The following KCNQ5 variants were observed in gnomAD, a reference collection of about 807,000 sequenced individuals.
The protein encoded by KCNQ5 is potassium voltage-gated channel subfamily KQT member 5.
A neutral mutation model predicts 98.2 loss-of-function variants in KCNQ5; 30 were observed. That is an observed-to-expected ratio of 0.31 (90% confidence interval 0.23 to 0.41). The LOEUF (loss-of-function observed/expected upper bound fraction) is 0.41. KCNQ5 is among the 10% of genes least tolerant of loss of function. The pLI, the probability that KCNQ5 is intolerant of heterozygous loss-of-function variation, is 1.00. For synonymous variants in KCNQ5, 458 were observed against 449.4 expected, an observed-to-expected ratio of 1.02 and a Z score of -0.24; for missense variants, 835 against 1,182.5, an observed-to-expected ratio of 0.71 and a Z score of 4.31.
chr6:72,759,828 C>T (rs1772165405), intron 1 of KCNQ5, among the ~76,000 whole-genome samples: 2 of 152,086 alleles, frequency 1.3e-5, no homozygotes, highest in South Asian at 4.2e-4. Flanking sequence ...GTGCAAATAT[C>T]AGTAAAGGGA....
rs201180359 is a variant in KCNQ5, at chr6:72,696,291, AT to A, written c.398+73706del. 3.2e-3 allele frequency among the ~76,000 whole-genome samples: 486 copies of A among 152,340 alleles called. 4 individuals carry two copies. Among genetic ancestry groups the A allele is most frequent in the African/African-American group, 0.011 (470 of 41,576 alleles). On this transcript the variant is annotated intron_variant, in intron 1 of 13. Coordinates refer to ENST00000370398, the MANE Select transcript of KCNQ5 (RefSeq NM_019842.4). ...TGAAAATAGCATTTTAATAAAATGA[AT>A]TATGGTAATCAGAAAAATTGTCAAA... is the stretch of plus-strand genomic sequence containing the variant.
chr6:73,192,074 T>G (rs1388956069), intron 12 of KCNQ5, among the ~76,000 whole-genome samples: 2 of 152,238 alleles, frequency 1.3e-5, no homozygotes, highest in East Asian at 3.8e-4. Flanking sequence ...AAAGTTGAAC[T>G]GCTACAGAAT....
At chr6:73,143,966 G>A (rs948945215) in intron 10 of KCNQ5, among the ~76,000 whole-genome samples, 2 of 152,180 alleles carry the variant, frequency 1.3e-5, no homozygotes, top group African/African-American at 2.4e-5. Context: ...CAGCTGCATG[G>A]TGATTTTTCC....
intron 5 of KCNQ5, among the ~76,000 whole-genome samples, chr6:73,089,584 C>T (rs542012548): frequency 3.3e-4 from 50 of 152,222 alleles, no homozygotes; most frequent in African/African-American, 1.1e-3. Context: ...CCTTGAGTCT[C>T]CAAAGTTCAT....
At chr6:72,740,827 C>T (rs1432900340) in intron 1 of KCNQ5, among the ~76,000 whole-genome samples, 2 of 152,186 alleles carry the variant, frequency 1.3e-5, no homozygotes, top group Non-Finnish European at 2.9e-5. Flanking sequence ...CCCTTAAGTC[C>T]TGTTAGCCCT....
chr6:73,065,975 C>T (rs747297611), intron 3 of KCNQ5, among the ~76,000 whole-genome samples: 48 of 152,174 alleles, frequency 3.2e-4, no homozygotes, highest in Admixed American at 4.6e-4. Flanking sequence ...GGTGAAACCC[C>T]ATCTCTCCCA....
intron 5 of KCNQ5, among the ~76,000 whole-genome samples, chr6:73,081,574 T>C (rs1314662537): frequency 6.6e-6 from 1 of 152,182 alleles, no homozygotes; most frequent in Non-Finnish European, 1.5e-5. Context: ...GGGAGAATTA[T>C]ACCGTGCCAC....
intron 3 of KCNQ5, 92 bp from the exon 4 acceptor site, chr6:73,077,230 A>C: frequency 7.9e-7 from 1 of 1,272,836 alleles, no homozygotes; most frequent in South Asian, 1.4e-5. Flanking sequence ...TGTACCTTAA[A>C]TAGGTCAAAG....
intron 1 of KCNQ5, among the ~76,000 whole-genome samples, chr6:72,810,833 TAAC>T (rs1360271538): frequency 1.3e-5 from 2 of 152,212 alleles, no homozygotes; most frequent in African/African-American, 4.8e-5. Flanking sequence ...CATAAAGAAT[TAAC>T]AATTTTCCCC....
At chr6:73,060,396 C>T (rs1486437729) in intron 3 of KCNQ5, among the ~76,000 whole-genome samples, 1 of 152,088 alleles carries the variant, frequency 6.6e-6, no homozygotes. Flanking sequence ...TCTATCTTAC[C>T]AGATTCCAAG....
At chr6:72,698,648 C>CTTCTTTTTTTTTTTTTTTTTTT (rs1554689823) in intron 1 of KCNQ5, among the ~76,000 whole-genome samples, 1 of 94,002 alleles carries the variant, frequency 1.1e-5, no homozygotes, top group African/African-American at 3.6e-5. Context: ...TCTTCTTCTT[C>CTTCTTTTTTTTTTTTTTTTTTT]TTTTTTTTTT....
chr6:72,804,303 C>G lies in KCNQ5; in HGVS notation c.398+181716C>G, dbSNP rs1209410010. On this transcript the variant is annotated intron_variant, in intron 1 of 13. Coordinates refer to ENST00000370398, the MANE Select transcript of KCNQ5 (RefSeq NM_019842.4). ...TATATGTTTGTACCCATTAACCATC[C>G]CCACTACCCCCACCCCTCCACTGCC... is the stretch of plus-strand genomic sequence containing the variant. Among the ~76,000 whole-genome samples, 4 of 151,766 alleles carry G rather than the reference C, an allele frequency of 2.6e-5. No individual in the cohort carries two copies. In the East Asian group the frequency reaches 7.7e-4, roughly 29 times the overall value.
chr6:73,145,738 G>A (rs1776894498), intron 10 of KCNQ5, among the ~76,000 whole-genome samples: 1 of 152,160 alleles, frequency 6.6e-6, no homozygotes, highest in Admixed American at 6.5e-5. Context: ...TACCAGATCT[G>A]TATTAGTTTT....
chr6:72,905,228 A>G (rs1050666214), intron 1 of KCNQ5, among the ~76,000 whole-genome samples: 6 of 151,858 alleles, frequency 4.0e-5, no homozygotes, highest in African/African-American at 1.5e-4. Flanking sequence ...GGAAGTTTTG[A>G]TTTTTTTTAT....
At chr6:72,928,396 C>T (rs1765537159) in intron 1 of KCNQ5, among the ~76,000 whole-genome samples, 1 of 152,042 alleles carries the variant, frequency 6.6e-6, no homozygotes, top group Admixed American at 6.6e-5. Flanking sequence ...GGATTCCTTA[C>T]AATGTGTTTC....
At chr6:72,873,010 G>A (rs1296983423) in intron 1 of KCNQ5, among the ~76,000 whole-genome samples, 1 of 152,052 alleles carries the variant, frequency 6.6e-6, no homozygotes, top group South Asian at 2.1e-4. Flanking sequence ...CCAGAAATGA[G>A]AGTGCTCACA....
chr6:73,091,063 G>A (rs1208644628), intron 5 of KCNQ5, among the ~76,000 whole-genome samples: 4 of 152,084 alleles, frequency 2.6e-5, no homozygotes, highest in Non-Finnish European at 4.4e-5. Context: ...TAAAGTCTTG[G>A]AACCAACCCA....
At chr6:72,833,587 A>T (rs1358021056) in intron 1 of KCNQ5, among the ~76,000 whole-genome samples, 2 of 152,180 alleles carry the variant, frequency 1.3e-5, no homozygotes, top group African/African-American at 4.8e-5. Context: ...GAATGCCCCC[A>T]GACCAAAAAT....
intron 1 of KCNQ5, among the ~76,000 whole-genome samples, chr6:72,638,284 A>G (rs1333617169): frequency 1.3e-5 from 2 of 152,142 alleles, no homozygotes; most frequent in Non-Finnish European, 2.9e-5. Context: ...CTAGCAGGAA[A>G]GATTGCCTTA....
Sources: gnomAD v4.1 joint callset for allele counts (sites outside exome capture counted in the v4.1 genomes callset) on GRCh38, gnomAD v4.1.1 for gene constraint, MANE v1.5 for transcripts, NCBI Gene and HGNC (gene_info 2026-07-23, HGNC 2026-07-21) for gene names.